Variants in DUSP19 observed in about 807,000 individuals in gnomAD.
DUSP19 encodes the protein dual specificity protein phosphatase 19.
A neutral mutation model predicts 16.6 loss-of-function variants in DUSP19; 14 were observed. That is an observed-to-expected ratio of 0.84 (90% CI 0.56 to 1.32). The LOEUF is 1.32. DUSP19 is among the 40% of genes most tolerant of loss of function. The pLI is 0.00. For synonymous variants in DUSP19, 81 were observed against 90.5 expected (o/e 0.90, Z 0.59); for missense variants, 258 against 255.9 (o/e 1.01, Z -0.06).
At chr2:183,079,757 T>C (rs978612709) in intron 1 of DUSP19, among the ~76,000 whole-genome samples, 2 of 152,182 alleles carry the variant, frequency 1.3e-5, no homozygotes, top group Admixed American at 6.5e-5. Context: ...AAATAGCAAA[T>C]GAAGCAAGGT....
rs1275620789 is a variant in DUSP19, at chr2:183,096,818, T to A, written c.*1160T>A. The A allele has an allele frequency of 6.6e-6, 1 of 152,420 alleles. No individual in the cohort carries two copies. The highest frequency in any genetic ancestry group is 1.5e-5 in the Non-Finnish European group (1 of 68,010). The allele number at this position is 152,420 out of a possible 1,614,324, so 9.4% of individuals were successfully genotyped here. ...ATTTTTTAGGGGAGAAGGGTTATGG[T>A]TTTGTAAGAAACTTTAAATATACTT... is the stretch of plus-strand genomic sequence containing the variant. On this transcript the variant is annotated 3_prime_UTR_variant, in exon 4 of 4. Coordinates refer to ENST00000354221, the MANE Select transcript of DUSP19 (RefSeq NM_080876.4).
In DUSP19 at chr2:183,099,512, T is replaced by C. The variant is rs1699846570; in HGVS notation, c.*3854T>C. The C allele has an allele frequency of 6.6e-6, 1 of 152,248 alleles. No homozygotes were observed. The highest frequency in any genetic ancestry group is 6.5e-5 in the Admixed American group (1 of 15,286). 9.4% of individuals were successfully genotyped at this position (152,248 alleles called of 1,614,324 possible). ...GATGCACACAAAAAATAACTTATAG[T>C]TAGACTTTTCTATTTCAAGTAAAGC... On this transcript the variant is annotated 3_prime_UTR_variant, in exon 4 of 4. Coordinates refer to ENST00000354221, the MANE Select transcript of DUSP19 (RefSeq NM_080876.4).
At chr2:183,083,649 G>T in intron 2 of DUSP19, 95 bp downstream of exon 2, 1 of 1,051,096 alleles carries the variant, frequency 9.5e-7, no homozygotes, top group Non-Finnish European at 1.4e-6. Flanking sequence ...GGTATATTAT[G>T]GAGTTTATTT....
chr2:183,089,831 A>G (rs2705734), intron 3 of DUSP19, among the ~76,000 whole-genome samples: 151,758 of 152,366 alleles, frequency 1, 75,583 homozygotes, highest in Middle Eastern at 1. Context: ...ACTCAGTGCC[A>G]TGACACAATC....
chr2:183,092,912 C>T (rs1206913488), intron 3 of DUSP19, among the ~76,000 whole-genome samples: 1 of 152,008 alleles, frequency 6.6e-6, no homozygotes, highest in Non-Finnish European at 1.5e-5. Flanking sequence ...CCATGTTGGC[C>T]AGGCTGGTCT....
Position 183,099,472 on chromosome 2 carries a change from T to C in DUSP19, c.*3814T>C, listed in dbSNP as rs1344733538. The C allele has an allele frequency of 1.3e-5, 2 of 152,256 alleles. No individual in the cohort carries two copies. Among genetic ancestry groups the C allele is most frequent in the Non-Finnish European group, 1.5e-5 (1 of 68,038 alleles). The allele number at this position is 152,256 out of a possible 1,614,324, so 9.4% of individuals were successfully genotyped here. Reference sequence around the variant, plus strand: ...AATGACATTATAATCAACAAACTTATGGTTTGTTTCAATTGATGCACACAA... The same window carrying C: ...AATGACATTATAATCAACAAACTTACGGTTTGTTTCAATTGATGCACACAA... On this transcript the variant is annotated 3_prime_UTR_variant, in exon 4 of 4. Transcript: ENST00000354221.
chr2:183,079,302 C>A, intron 1 of DUSP19, 143 bp downstream of exon 1: 2 of 814,998 alleles, frequency 2.5e-6, no homozygotes, highest in Admixed American at 5.9e-5. Flanking sequence ...TATGGAACTT[C>A]CATTAGCCAG....
rs746964444 is a variant in DUSP19 at position 183,098,649 on chromosome 2, G to A, written c.*2991G>A. 2.0e-5 allele frequency: 3 copies of A among 152,160 alleles called. No homozygotes were observed. Among genetic ancestry groups the A allele is most frequent in the Non-Finnish European group, 2.9e-5 (2 of 68,020 alleles). 9.4% of individuals were successfully genotyped at this position (152,160 alleles called of 1,614,324 possible). A position where few individuals can be genotyped will look rare whatever the true frequency, so the allele number is the denominator to read the frequency against. ...TTAAAGGAAAGGGAAAATGAAAACA[G>A]CATGTCTTTTTAAACATTGAAAAGA... On this transcript the variant is annotated 3_prime_UTR_variant, in exon 4 of 4. Transcript: ENST00000354221.
chr2:183,082,011 G>C (rs1699598207), intron 1 of DUSP19, among the ~76,000 whole-genome samples: 1 of 152,104 alleles, frequency 6.6e-6, no homozygotes, highest in Non-Finnish European at 1.5e-5. Flanking sequence ...TTATTAACTA[G>C]AGCCAGTTTC....
rs757600993 is a variant in DUSP19, at chr2:183,078,974, A to C, written c.41A>C (p.Asn14Thr). ...CAGGAAATTAAAGCATTCTCCCGGA[A>C]TAATCTCAGGAAGCAATGCACCAGG... The part of the protein sequence containing the change: ...LNQEIKAFSR[N>T]NLRKQCTRVT... Residue 14 changes from asparagine (N) to threonine (T), a missense_variant, in exon 1 of 4, where the codon AAT becomes ACT. Physicochemically the swap from Asn to Thr is moderately conservative, Grantham distance 65 (BLOSUM62 0). Transcript: ENST00000354221. The C allele has an allele frequency of 6.2e-7, 1 of 1,614,204 alleles. No individual in the cohort carries two copies. The highest frequency in any genetic ancestry group is 1.1e-5 in the South Asian group (1 of 91,080).
intron 1 of DUSP19, 50 bp from the exon 2 acceptor site, chr2:183,083,458 T>G: frequency 6.6e-7 from 1 of 1,506,180 alleles, no homozygotes; most frequent in African/African-American, 1.4e-5. Context: ...TATATAAAAG[T>G]TCAAGATGAT....
rs1480023459 is a variant in DUSP19 at position 183,099,983 on chromosome 2, ACT to A, written c.*4328_*4329del. The A allele has an allele frequency of 3.5e-5, 5 of 144,350 alleles. No homozygotes were observed. The East Asian group carries it at 1.0e-3, about 29-fold the overall frequency. The allele number at this position is 144,350 out of a possible 1,614,324, so 8.9% of individuals were successfully genotyped here. A position where few individuals can be genotyped will look rare whatever the true frequency, so the allele number is the denominator to read the frequency against. ...CTGCACTTCTAGTTGACAGAGTGAG[ACT>A]CTGACTCAAAAAAAAAAAAAAAATG... On this transcript the variant is annotated 3_prime_UTR_variant, in exon 4 of 4. Transcript: ENST00000354221.
At position 183,087,110 on chromosome 2, in the gene DUSP19, T is replaced by C. The variant is rs1220727194; in HGVS notation, c.344T>C (p.Ile115Thr). 15 of 1,613,396 alleles carry C rather than the reference T, an allele frequency of 9.3e-6. No homozygotes were observed. Among genetic ancestry groups the C allele is most frequent in the Non-Finnish European group, 1.3e-5 (15 of 1,179,826 alleles). The change falls in exon 3 of 4, where the codon ATT becomes ACT. Residue 115 changes from isoleucine to threonine, a missense_variant. By Grantham distance (89) the Ile-to-Thr change is moderately conservative (BLOSUM62 -1). Coordinates refer to ENST00000354221, the MANE Select transcript of DUSP19 (RefSeq NM_080876.4). ...AFLSDFTYKS[I>T]SILDLPETNI... ...CTCAGTGACTTTACATATAAGAGCA[T>C]TTCTATATTGGATCTGCCTGAAACC...
intron 1 of DUSP19, among the ~76,000 whole-genome samples, chr2:183,079,829 CAAG>C (rs1368787819): frequency 6.6e-6 from 1 of 152,138 alleles, no homozygotes; most frequent in African/African-American, 2.4e-5. Flanking sequence ...AAAAAATAGT[CAAG>C]AATGTTTTCA....
intron 2 of DUSP19, 123 bp downstream of exon 2, chr2:183,083,677 C>A: frequency 1.4e-6 from 1 of 714,016 alleles, no homozygotes; most frequent in African/African-American, 1.8e-5. Flanking sequence ...TTTTGGCTAT[C>A]ATTTCAATAG....
intron 3 of DUSP19, among the ~76,000 whole-genome samples, chr2:183,094,751 A>G (rs1699776025): frequency 6.6e-6 from 1 of 152,206 alleles, no homozygotes; most frequent in South Asian, 2.1e-4. Context: ...AAATATTTTT[A>G]AGTAACTTTC....
At chr2:183,094,521 G>A (rs1011806708) in intron 3 of DUSP19, among the ~76,000 whole-genome samples, 3 of 152,144 alleles carry the variant, frequency 2.0e-5, no homozygotes, top group Non-Finnish European at 4.4e-5. Flanking sequence ...AGGCCAAGCT[G>A]TATCAATGCT....
Position 183,095,602 on chromosome 2 carries a change from T to C in DUSP19, c.598T>C (p.Tyr200His). ...TGGCTTCATGGAGCAGCTTCGTACA[T>C]ATCAAGAGGGCAAAGAAAGCAATAA... ...NSGFMEQLRTYQEGKESNKCD... is the reference protein window; with the variant it reads ...NSGFMEQLRTHQEGKESNKCD... The change falls in exon 4 of 4, where the codon TAT becomes CAT. Residue 200 changes from tyrosine (Y) to histidine (H), a missense_variant. Tyr to His is a moderately conservative substitution (Grantham distance 83, BLOSUM62 2). Coordinates refer to ENST00000354221, the MANE Select transcript of DUSP19 (RefSeq NM_080876.4). 6.2e-7 allele frequency: 1 copy of C among 1,614,020 alleles called. No individual in the cohort carries two copies. The highest frequency in any genetic ancestry group is 1.1e-5 in the South Asian group (1 of 91,078).
At chr2:183,086,690 G>A (rs920223562) in intron 2 of DUSP19, among the ~76,000 whole-genome samples, 1 of 151,388 alleles carries the variant, frequency 6.6e-6, no homozygotes, top group African/African-American at 2.4e-5. Flanking sequence ...GGGTGTGGTG[G>A]TACACGCCTG....
Sources: allele counts gnomAD v4.1 joint callset (sites outside exome capture counted in the v4.1 genomes callset), GRCh38; gene constraint gnomAD v4.1.1; transcripts MANE v1.5; gene names NCBI Gene and HGNC (gene_info 2026-07-23, HGNC 2026-07-21).